Variants in CSMD1 observed in about 807,000 individuals in gnomAD.
CSMD1 encodes the protein CUB and sushi domain-containing protein 1.
Under a neutral mutation model 417.5 loss-of-function variants are expected in CSMD1, and 213 were observed. The ratio of observed to expected loss-of-function variants is 0.51; its 90% CI spans 0.46 to 0.57. CSMD1 has a LOEUF of 0.57. Ranked by LOEUF, CSMD1 falls within the 20% of genes least tolerant of loss-of-function variation. The pLI is 0.00. For synonymous variants in CSMD1, 2,862 were observed against 1,736.8 expected (o/e 1.65, Z -16.11); for missense variants, 6,923 against 4,529.7 (o/e 1.53, Z -15.17).
intron 36 of CSMD1, among the ~76,000 whole-genome samples, chr8:3,182,608 G>GTAT (rs1821415749): frequency 9.4e-5 from 6 of 63,638 alleles, no homozygotes; most frequent in Middle Eastern, 9.6e-3. Context: ...GTGTGTGTGT[G>GTAT]TGTGTGTGTG....
chr8:4,052,232 C>T (rs1346073025), intron 3 of CSMD1, among the ~76,000 whole-genome samples: 2 of 152,114 alleles, frequency 1.3e-5, no homozygotes, highest in East Asian at 3.9e-4. Flanking sequence ...CCCAGTACTG[C>T]AGGATTTCTG....
chr8:3,868,122 C>T (rs1007575096), intron 5 of CSMD1, among the ~76,000 whole-genome samples: 1 of 152,072 alleles, frequency 6.6e-6, no homozygotes, highest in Non-Finnish European at 1.5e-5. Context: ...ATTATCCTAG[C>T]ACTTTCTGCT....
chr8:4,215,135 C>G (rs1414806221), intron 3 of CSMD1, among the ~76,000 whole-genome samples: 1 of 152,122 alleles, frequency 6.6e-6, no homozygotes, highest in Non-Finnish European at 1.5e-5. Flanking sequence ...GGGTGCCAAC[C>G]TAGGGAGAGG....
intron 18 of CSMD1, among the ~76,000 whole-genome samples, chr8:3,379,686 G>C (rs965129699): frequency 1.3e-5 from 2 of 152,126 alleles, no homozygotes; most frequent in African/African-American, 2.4e-5. Flanking sequence ...GGGAAAACTG[G>C]CTAGCCATAT....
intron 10 of CSMD1, among the ~76,000 whole-genome samples, chr8:3,513,153 T>C (rs542815672): frequency 1.3e-5 from 2 of 152,062 alleles, no homozygotes; most frequent in African/African-American, 2.4e-5. Context: ...CTTTATGGAT[T>C]CAGCTACAAT....
chr8:4,789,093 G>T (rs548779230), intron 1 of CSMD1, among the ~76,000 whole-genome samples: 1 of 152,134 alleles, frequency 6.6e-6, no homozygotes, highest in Non-Finnish European at 1.5e-5. Flanking sequence ...TCCAGAAAAG[G>T]TAATCATGAG....
intron 42 of CSMD1, among the ~76,000 whole-genome samples, chr8:3,116,480 GAGTTCTTCTA>G (rs1336595746): frequency 7.9e-5 from 12 of 152,050 alleles, no homozygotes; most frequent in Admixed American, 4.6e-4. Context: ...AGATGTCTCT[GAGTTCTTCTA>G]ATGGAGAATG....
chr8:3,600,737 TC>T (rs1801323178), intron 8 of CSMD1, among the ~76,000 whole-genome samples: 1 of 152,246 alleles, frequency 6.6e-6, no homozygotes, highest in African/African-American at 2.4e-5. Flanking sequence ...CCCACCTCTA[TC>T]CCCACTCTAT....
intron 18 of CSMD1, among the ~76,000 whole-genome samples, chr8:3,372,982 G>T (rs1303354162): frequency 6.6e-6 from 1 of 152,130 alleles, no homozygotes; most frequent in African/African-American, 2.4e-5. Context: ...TCTATGATTG[G>T]ATTGGTATGA....
At chr8:3,835,590 T>C (rs1006618719) in intron 5 of CSMD1, among the ~76,000 whole-genome samples, 128 of 152,092 alleles carry the variant, frequency 8.4e-4, no homozygotes, top group Non-Finnish European at 2.5e-4. Context: ...AGGGATAGCA[T>C]TAGGAGATAT....
chr8:3,817,274 TTTTTTTTTTTTTTTTTTTTTTTTTG>T (rs1801435946), intron 5 of CSMD1, among the ~76,000 whole-genome samples: 2 of 66,172 alleles, frequency 3.0e-5, no homozygotes, highest in South Asian at 1.5e-3. Context: ...TTTTTTTTTT[TTTTTTTTTTTTTTTTTTTTTTTTTG>T]AGATGGAGTC....
At chr8:4,961,698 A>G (rs62489438) in intron 1 of CSMD1, among the ~76,000 whole-genome samples, 26,598 of 151,872 alleles carry the variant, frequency 0.18, 2,567 homozygotes, top group East Asian at 0.4. Flanking sequence ...TTTTTTTCTG[A>G]AATGATAACG....
chr8:4,892,037 T>C (rs915371142), intron 1 of CSMD1, among the ~76,000 whole-genome samples: 1 of 152,084 alleles, frequency 6.6e-6, no homozygotes, highest in Admixed American at 6.5e-5. Flanking sequence ...CCACCAGATG[T>C]AGAAATAAAC....
intron 25 of CSMD1, among the ~76,000 whole-genome samples, chr8:3,294,357 C>G (rs531908050): frequency 5.3e-5 from 8 of 152,196 alleles, no homozygotes; most frequent in African/African-American, 9.7e-5. Context: ...AGCTGTCAGA[C>G]AGGGACATTT....
At chr8:4,757,079 A>C (rs998276421) in intron 1 of CSMD1, among the ~76,000 whole-genome samples, 1 of 152,264 alleles carries the variant, frequency 6.6e-6, no homozygotes, top group Non-Finnish European at 1.5e-5. Context: ...AAATGGCAAG[A>C]AACAGGATAA....
Position 4,994,536 on chromosome 8 carries a change from G to C in CSMD1, c.-120C>G, listed in dbSNP as rs1373925251. On this transcript the variant is annotated 5_prime_UTR_variant, in exon 1 of 70. Transcript: ENST00000635120. ...AGCCGGAGAGAGAGCCCGGTCCCAA[G>C]ACCCGCCGCGCATCCGACGCCTCCT... The C allele has an allele frequency of 2.3e-6, 2 of 875,192 alleles. No individual in the cohort carries two copies. Among genetic ancestry groups the C allele is most frequent in the Non-Finnish European group, 3.6e-6 (2 of 560,418 alleles). 54.2% of individuals were successfully genotyped at this position (875,192 alleles called of 1,614,324 possible).
At chr8:3,498,686 T>C (rs951105372) in intron 10 of CSMD1, among the ~76,000 whole-genome samples, 7 of 152,240 alleles carry the variant, frequency 4.6e-5, no homozygotes, top group African/African-American at 1.4e-4. Context: ...GCATTCCTTA[T>C]TCTTACTTAT....
chr8:4,617,042 G>T (rs1801510056), intron 2 of CSMD1, among the ~76,000 whole-genome samples: 1 of 151,814 alleles, frequency 6.6e-6, no homozygotes, highest in Non-Finnish European at 1.5e-5. Flanking sequence ...ATTAATTGAT[G>T]ATAGTTTAAT....
At chr8:3,050,444 G>C (rs1346372083) in intron 50 of CSMD1, among the ~76,000 whole-genome samples, 14 of 152,162 alleles carry the variant, frequency 9.2e-5, no homozygotes, top group Admixed American at 1.3e-4. Context: ...TCCAGGCTGT[G>C]TGCAAAAGAA....
Sources: allele counts gnomAD v4.1 joint callset (sites outside exome capture counted in the v4.1 genomes callset), GRCh38; gene constraint gnomAD v4.1.1; transcripts MANE v1.5; gene names NCBI Gene and HGNC (gene_info 2026-07-23, HGNC 2026-07-21).